SLC35F3: variants seen among roughly 807,000 people sequenced by gnomAD.
SLC35F3 encodes the protein solute carrier family 35 member F3, also known as putative thiamine transporter SLC35F3.
Under a neutral mutation model 49.9 loss-of-function variants are expected in SLC35F3, and 25 were observed. The ratio of observed to expected loss-of-function variants is 0.50; its 90% CI spans 0.37 to 0.70. SLC35F3 has a LOEUF of 0.70. Among genes scored for constraint, SLC35F3 ranks in the 30% least tolerant of loss-of-function variants. SLC35F3 has a pLI of 0.00. For missense variants in SLC35F3, 525 were observed against 639.8 expected, an observed-to-expected ratio of 0.82 and a Z score of 1.94; for synonymous variants, 275 against 265.4, an observed-to-expected ratio of 1.04 and a Z score of -0.35.
At chr1:234,197,746 A>G (rs1666835506) in intron 2 of SLC35F3, among the ~76,000 whole-genome samples, 1 of 152,254 alleles carries the variant, frequency 6.6e-6, no homozygotes, top group South Asian at 2.1e-4. Flanking sequence ...GGGGCATAGC[A>G]GAGATGCTAG....
chr1:233,937,808 T>C lies in SLC35F3; in HGVS notation c.283+32050T>C, dbSNP rs1026690876. ...GTCAGTGGGGATGCAGAAGGTGAGA[T>C]AGAAGCAAGGATAGTCAGGGGGCAA... On this transcript the variant is annotated intron_variant, in intron 2 of 7. Coordinates refer to ENST00000366618, the MANE Select transcript of SLC35F3 (RefSeq NM_173508.4). 7.9e-5 allele frequency among the ~76,000 whole-genome samples: 12 copies of C among 152,174 alleles called. No individual in the cohort carries two copies. In the South Asian group the frequency reaches 1.5e-3, roughly 18 times the overall value.
At chr1:234,226,818 G>A (rs1285735650) in intron 2 of SLC35F3, among the ~76,000 whole-genome samples, 1 of 152,150 alleles carries the variant, frequency 6.6e-6, no homozygotes, top group African/African-American at 2.4e-5. Flanking sequence ...CAGGTGGCGG[G>A]TTTATTGCCT....
In SLC35F3 at chr1:234,224,854, G is replaced by T. The variant is rs145803976; in HGVS notation, c.284-6563G>T. Among the ~76,000 whole-genome samples the T allele has an allele frequency of 1.2e-3, 189 of 152,362 alleles. 1 individual carries two copies. Among genetic ancestry groups the T allele is most frequent in the African/African-American group, 4.3e-3 (179 of 41,584 alleles). ...AAAAGATATGTAACATCTACTGGCA[G>T]AGAGTGTGGTGTATGTATTGGGTGT... On this transcript the variant is annotated intron_variant, in intron 2 of 7. Coordinates refer to ENST00000366618, the MANE Select transcript of SLC35F3 (RefSeq NM_173508.4).
intron 2 of SLC35F3, among the ~76,000 whole-genome samples, chr1:234,161,402 T>G (rs1662410104): frequency 6.6e-6 from 1 of 152,178 alleles, no homozygotes; most frequent in African/African-American, 2.4e-5. Flanking sequence ...AGAGCTACAC[T>G]ATGCTGCTTC....
At chr1:233,951,563 C>T (rs1216168652) in intron 2 of SLC35F3, among the ~76,000 whole-genome samples, 2 of 152,114 alleles carry the variant, frequency 1.3e-5, no homozygotes, top group Non-Finnish European at 2.9e-5. Context: ...GGGTTCCCAA[C>T]TCCTGGGCCA....
intron 2 of SLC35F3, among the ~76,000 whole-genome samples, chr1:234,093,028 C>T (rs538947825): frequency 2.7e-4 from 41 of 152,292 alleles, no homozygotes; most frequent in African/African-American, 5.8e-4. Flanking sequence ...TGAAGTCTGA[C>T]GTCTTGGCTT....
At chr1:234,118,820 T>G (rs1168401968) in intron 2 of SLC35F3, among the ~76,000 whole-genome samples, 3 of 152,180 alleles carry the variant, frequency 2.0e-5, no homozygotes, top group African/African-American at 7.2e-5. Context: ...AAGGTCCATT[T>G]AATCTATTCA....
At chr1:234,140,002 A>AATAAAAAAATAAAAAAT in intron 2 of SLC35F3, among the ~76,000 whole-genome samples, 2 of 105,362 alleles carry the variant, frequency 1.9e-5, no homozygotes, top group Non-Finnish European at 2.4e-5. Context: ...AATAAAATAA[A>AATAAAAAAATAAAAAAT]GTAAGTGACT....
intron 2 of SLC35F3, among the ~76,000 whole-genome samples, chr1:234,113,235 C>A (rs951536744): frequency 1.3e-5 from 2 of 152,190 alleles, no homozygotes; most frequent in African/African-American, 4.8e-5. Context: ...TCAAAGTAAG[C>A]CCTTGGCCTT....
intron 3 of SLC35F3, among the ~76,000 whole-genome samples, chr1:234,244,639 T>C (rs1002363251): frequency 4.6e-5 from 7 of 151,966 alleles, no homozygotes; most frequent in African/African-American, 1.7e-4. Flanking sequence ...TTTTGGAAAT[T>C]AGTCAGGTCT....
At chr1:234,312,865 G>T (rs1453561542) in intron 4 of SLC35F3, among the ~76,000 whole-genome samples, 1 of 149,522 alleles carries the variant, frequency 6.7e-6, no homozygotes, top group Non-Finnish European at 1.5e-5. Context: ...TTTTTTGTTT[G>T]TTTGTTTGTT....
At chr1:234,246,029 G>A (rs1398351848) in intron 3 of SLC35F3, among the ~76,000 whole-genome samples, 1 of 152,166 alleles carries the variant, frequency 6.6e-6, no homozygotes, top group Non-Finnish European at 1.5e-5. Flanking sequence ...ATCATCTCGG[G>A]GAAGAGTACA....
intron 2 of SLC35F3, among the ~76,000 whole-genome samples, chr1:234,130,726 A>G (rs993517215): frequency 2.6e-5 from 4 of 152,124 alleles, no homozygotes; most frequent in Non-Finnish European, 4.4e-5. Flanking sequence ...TGCTGGTAGA[A>G]GCATATATTG....
chr1:234,098,181 T>A (rs535626353), intron 2 of SLC35F3, among the ~76,000 whole-genome samples: 124 of 150,080 alleles, frequency 8.3e-4, no homozygotes, highest in Non-Finnish European at 1.6e-3. Context: ...ATGGAGGTGG[T>A]GACTGTGTTG....
intron 2 of SLC35F3, among the ~76,000 whole-genome samples, chr1:234,184,170 T>A (rs1033468403): frequency 2.0e-5 from 3 of 151,966 alleles, no homozygotes; most frequent in Admixed American, 1.3e-4. Flanking sequence ...TAAATGCACA[T>A]GTTGCTATGT....
At chr1:234,108,331 T>TTA (rs1254270202) in intron 2 of SLC35F3, among the ~76,000 whole-genome samples, 5 of 124,610 alleles carry the variant, frequency 4.0e-5, no homozygotes, top group African/African-American at 9.1e-5. Flanking sequence ...TATATATTAT[T>TTA]TATATATATA....
chr1:233,914,269 C>T (rs1558176863), intron 2 of SLC35F3, among the ~76,000 whole-genome samples: 1 of 152,154 alleles, frequency 6.6e-6, no homozygotes, highest in Non-Finnish European at 1.5e-5. Context: ...GTGGAGGAGG[C>T]TAGTCTGTCT....
At chr1:234,032,358 A>AT (rs140519932) in intron 2 of SLC35F3, among the ~76,000 whole-genome samples, 4,664 of 151,448 alleles carry the variant, frequency 0.031, 218 homozygotes, top group African/African-American at 0.1. Flanking sequence ...TTCTTTTTAT[A>AT]TTTTTTTCTT....
intron 2 of SLC35F3, among the ~76,000 whole-genome samples, chr1:233,972,174 T>C (rs767824539): frequency 1.1e-4 from 16 of 152,262 alleles, no homozygotes; most frequent in South Asian, 4.1e-4. Context: ...GCGTGGTGGA[T>C]TGTTTAAGCC....
Sources: gnomAD v4.1 joint callset for allele counts (sites outside exome capture counted in the v4.1 genomes callset) on GRCh38, gnomAD v4.1.1 for gene constraint, MANE v1.5 for transcripts, NCBI Gene and HGNC (gene_info 2026-07-23, HGNC 2026-07-21) for gene names.